Variants in LRP5 observed in about 807,000 individuals in gnomAD.
LRP5 encodes LDL receptor related protein 5.
In LRP5, 62 loss-of-function variants were observed where a neutral mutation model predicts 154.1. The ratio of observed to expected loss-of-function variants is 0.40; its 90% confidence interval spans 0.33 to 0.50. The LOEUF is 0.50. LRP5 is among the 20% of genes least tolerant of loss of function. The pLI, the probability that LRP5 is intolerant of heterozygous loss-of-function variation, is 0.55. For synonymous variants in LRP5, 966 were observed against 1,011.5 expected, an observed-to-expected ratio of 0.96 and a Z score of 0.85; for missense variants, 1,915 against 2,336.7, an observed-to-expected ratio of 0.82 and a Z score of 3.72.
intron 2 of LRP5, among the ~76,000 whole-genome samples, chr11:68,350,860 G>A (rs1055712703): frequency 7.2e-5 from 11 of 152,238 alleles, no homozygotes; most frequent in African/African-American, 2.7e-4. Flanking sequence ...GTGTGTCTGA[G>A]CAACTGAGTG....
At chr11:68,388,637 C>G (rs2098644341) in intron 6 of LRP5, among the ~76,000 whole-genome samples, 1 of 152,298 alleles carries the variant, frequency 6.6e-6, no homozygotes, top group South Asian at 2.1e-4. Flanking sequence ...AGCCCTTCAG[C>G]TATGTGCAGA....
At chr11:68,367,800 A>G (rs1461638362) in intron 5 of LRP5, among the ~76,000 whole-genome samples, 22 of 152,218 alleles carry the variant, frequency 1.4e-4, no homozygotes, top group Non-Finnish European at 2.5e-4. Context: ...GCAGTGGCTC[A>G]CGCCTGTAAT....
chr11:68,446,965 G>A (rs1034983110), intron 22 of LRP5: 2 of 301,264 alleles, frequency 6.6e-6, no homozygotes, highest in Non-Finnish European at 1.3e-5. Flanking sequence ...AGCACCCACC[G>A]TAGACCCCTA....
intron 1 of LRP5, among the ~76,000 whole-genome samples, chr11:68,331,966 C>T (rs1238630405): frequency 6.6e-6 from 1 of 151,908 alleles, no homozygotes; most frequent in African/African-American, 2.4e-5. Context: ...GGTGACTGGG[C>T]TGGGAGAGGG....
chr11:68,308,346 C>T (rs576671431), upstream of LRP5, among the ~76,000 whole-genome samples: 1 of 152,328 alleles, frequency 6.6e-6, no homozygotes, highest in East Asian at 1.9e-4. Context: ...CAAGTGTCAC[C>T]GGGCTGAAAC....
At chr11:68,334,795 G>A (rs576140591) in intron 1 of LRP5, among the ~76,000 whole-genome samples, 1 of 152,266 alleles carries the variant, frequency 6.6e-6, no homozygotes, top group Non-Finnish European at 1.5e-5. Flanking sequence ...GAACCTGGGA[G>A]GCGGAGGTTG....
At chr11:68,330,439 G>A (rs1056673267) in intron 1 of LRP5, among the ~76,000 whole-genome samples, 3 of 152,212 alleles carry the variant, frequency 2.0e-5, no homozygotes, top group Non-Finnish European at 4.4e-5. Flanking sequence ...TGGAAGAGGC[G>A]ATTTGCTTCT....
In LRP5 at chr11:68,426,036, C is replaced by A. The variant is rs1013121815; in HGVS notation, c.3486C>A (p.Ile1162=). The A allele has an allele frequency of 1.9e-6, 3 of 1,613,584 alleles. No homozygotes were observed. The African/African-American group carries it at 4.0e-5, about 21-fold the overall frequency. The change falls in exon 16 of 23, where the codon ATC becomes ATA. Residue 1162 remains isoleucine (I), a synonymous_variant. Transcript: ENST00000294304. ...TCGTGCAGCCTCTGGGCCTGACCAT[C>A]CTTGGCAAGCATCTCTACTGGATCG... The part of the protein sequence containing the change: ...ANIVQPLGLT[I]LGKHLYWIDR...
At chr11:68,346,280 C>T (rs550086817) in intron 1 of LRP5, among the ~76,000 whole-genome samples, 3 of 152,334 alleles carry the variant, frequency 2.0e-5, no homozygotes, top group Admixed American at 6.5e-5. Flanking sequence ...GATGACAGCA[C>T]GGGTGGGGCG....
At chr11:68,371,890 C>T (rs1258529458) in intron 5 of LRP5, among the ~76,000 whole-genome samples, 1 of 152,234 alleles carries the variant, frequency 6.6e-6, no homozygotes, top group African/African-American at 2.4e-5. Flanking sequence ...TCCGAGGTGT[C>T]ACGTTGGGCA....
At chr11:68,340,728 GC>G (rs2098608457) in intron 1 of LRP5, among the ~76,000 whole-genome samples, 1 of 152,044 alleles carries the variant, frequency 6.6e-6, no homozygotes, top group South Asian at 2.1e-4. Flanking sequence ...AAAAATATTT[GC>G]AGAAATAGCT....
intron 1 of LRP5, among the ~76,000 whole-genome samples, chr11:68,319,920 G>C (rs1279606581): frequency 6.6e-6 from 1 of 152,144 alleles, no homozygotes; most frequent in African/African-American, 2.4e-5. Flanking sequence ...CACTTTGGGA[G>C]GTTGAGGCAG....
chr11:68,354,924 A>T lies in LRP5; in HGVS notation c.489-2726A>T, dbSNP rs112815138. 1.0e-3 allele frequency among the ~76,000 whole-genome samples: 153 copies of T among 152,292 alleles called. 1 individual carries two copies. The highest frequency in any genetic ancestry group is 3.4e-3 in the African/African-American group (141 of 41,554). On this transcript the variant is annotated intron_variant, in intron 2 of 22. Coordinates refer to ENST00000294304, the MANE Select transcript of LRP5 (RefSeq NM_002335.4). ...GTGACACCCCTCTTACCCTGTCCCC[A>T]CGGGGCCGGAGGAGCAGGGGCTTGG...
intron 5 of LRP5, among the ~76,000 whole-genome samples, chr11:68,372,875 T>C (rs2098635065): frequency 6.6e-6 from 1 of 151,946 alleles, no homozygotes; most frequent in Non-Finnish European, 1.5e-5. Context: ...TTCAGGCGTG[T>C]GGCTCCCTTT....
rs749039189 is a variant in LRP5, at chr11:68,416,515, C to T, written c.3015C>T (p.Asp1005=). 13 of 1,613,884 alleles carry T rather than the reference C, an allele frequency of 8.1e-6. No individual in the cohort carries two copies. The highest frequency in any genetic ancestry group is 6.7e-5 in the Admixed American group (4 of 59,778). The part of the protein sequence containing the change: ...DGRQNIKRAK[D]DGTQPFVLTS... The stretch of plus-strand genomic sequence containing the variant: ...GCCAGAACATCAAGCGAGCCAAGGA[C>T]GACGGGACCCAGGCAGGTGCCCTGT... Residue 1005 remains aspartate (D), a synonymous_variant, in exon 13 of 23, where the codon GAC becomes GAT. Transcript: ENST00000294304.
At chr11:68,331,361 A>G (rs1025180076) in intron 1 of LRP5, among the ~76,000 whole-genome samples, 1 of 152,268 alleles carries the variant, frequency 6.6e-6, no homozygotes, top group African/African-American at 2.4e-5. Flanking sequence ...GTAGCCAAGC[A>G]GAGCCTTCGG....
chr11:68,347,308 C>T (rs1221914801), intron 1 of LRP5, among the ~76,000 whole-genome samples: 8 of 152,222 alleles, frequency 5.3e-5, no homozygotes, highest in East Asian at 3.8e-4. Flanking sequence ...GCCAAGGAAA[C>T]GGGCCTGAGC....
chr11:68,334,067 C>A (rs545939252), intron 1 of LRP5, among the ~76,000 whole-genome samples: 1 of 152,284 alleles, frequency 6.6e-6, no homozygotes, highest in East Asian at 1.9e-4. Flanking sequence ...AACCCCATCT[C>A]TACTAAAAAT....
chr11:68,345,027 T>C (rs1338205781), intron 1 of LRP5, among the ~76,000 whole-genome samples: 1 of 151,888 alleles, frequency 6.6e-6, no homozygotes. Context: ...CATGCCTTGC[T>C]AATTTTTGTA....
Sources: allele counts gnomAD v4.1 joint callset (sites outside exome capture counted in the v4.1 genomes callset), GRCh38; gene constraint gnomAD v4.1.1; transcripts MANE v1.5; gene names NCBI Gene and HGNC (gene_info 2026-07-23, HGNC 2026-07-21).